The following CCDC88A variants were observed in gnomAD, a reference collection of about 807,000 sequenced individuals.
The protein encoded by CCDC88A is coiled-coil and HOOK domain protein 88A, also known as girdin.
In CCDC88A, 54 loss-of-function variants were observed where a neutral mutation model predicts 234.3. The ratio of observed to expected loss-of-function variants is 0.23; its 90% CI spans 0.19 to 0.29. CCDC88A has a LOEUF of 0.29. CCDC88A is among the 10% of genes least tolerant of loss of function. CCDC88A has a pLI of 1.00. For missense variants in CCDC88A, 1,832 were observed against 2,123.4 expected (o/e 0.86, Z 2.70); for synonymous variants, 753 against 737.8 (o/e 1.02, Z -0.33).
At chr2:55,376,676 C>T (rs6718909) in intron 3 of CCDC88A, among the ~76,000 whole-genome samples, 130,700 of 152,136 alleles carry the variant, frequency 0.86, 56,586 homozygotes, top group Admixed American at 0.93. Context: ...TTAGAATAAG[C>T]ATCGAAAATT....
chr2:55,319,456 A>G (rs1683357024), intron 18 of CCDC88A, among the ~76,000 whole-genome samples: 1 of 152,172 alleles, frequency 6.6e-6, no homozygotes, highest in Non-Finnish European at 1.5e-5. Context: ...TCCCAGAGAT[A>G]GTGCAAAACT....
rs1204025465 is a variant in CCDC88A, at chr2:55,312,921, A to C, written c.3934-342T>G. The C allele has an allele frequency of 3.4e-5, 6 of 173,926 alleles. No individual in the cohort carries two copies. In the East Asian group the frequency reaches 8.9e-4, roughly 26 times the overall value. 10.8% of individuals were successfully genotyped at this position (173,926 alleles called of 1,614,324 possible). ...AATATCTAATATTTTATTTCTATGA[A>C]ATGTTAGACAAGTAAGTTCTCAGAT... is the stretch of plus-strand genomic sequence containing the variant. On this transcript the variant is annotated intron_variant, in intron 22 of 32. Coordinates refer to ENST00000436346, the MANE Select transcript of CCDC88A (RefSeq NM_001365480.1).
At position 55,328,358 on chromosome 2, in the gene CCDC88A, G is replaced by T; in HGVS notation, c.2933C>A (p.Ala978Asp). The T allele has an allele frequency of 6.2e-7, 1 of 1,601,564 alleles. No homozygotes were observed. The highest frequency in any genetic ancestry group is 2.3e-5 in the East Asian group (1 of 44,354). The part of the protein sequence containing the change: ...SLEIKEEKIA[A>D]LEARLEESTN... Reference sequence around the variant, plus strand: ...GGATTCTTCTAATCGAGCTTCTAAAGCAGCAATTTTTTCTTCTTTTATTTC... The same window carrying T: ...GGATTCTTCTAATCGAGCTTCTAAATCAGCAATTTTTTCTTCTTTTATTTC... The change falls in exon 17 of 33, where the codon GCT becomes GAT. Residue 978 changes from alanine (A) to aspartate (D), a missense_variant. Physicochemically the swap from Ala to Asp is moderately radical, Grantham distance 126. This residue lies in a region of CCDC88A where 1,282 missense variants were observed against 1,543.6 expected (regional missense o/e 0.83). Transcript: ENST00000436346. This position sits in a 1 kb window ranked among gnomAD's most constrained non-coding sequence, Gnocchi z 4.3.
At position 55,316,700 on chromosome 2, in the gene CCDC88A, A is replaced by G. The variant is rs548934363; in HGVS notation, c.3746+506T>C. Reference sequence around the variant, plus strand: ...CAGTAAGCTATGATCATGCTACTGAACTTCAGCTTGGGCAAAAGAGTAAGA... The same window carrying G: ...CAGTAAGCTATGATCATGCTACTGAGCTTCAGCTTGGGCAAAAGAGTAAGA... On this transcript the variant is annotated intron_variant, in intron 21 of 32. Transcript: ENST00000436346. Among the ~76,000 whole-genome samples, 21 of 152,192 alleles carry G rather than the reference A, an allele frequency of 1.4e-4. No homozygotes were observed. The Middle Eastern group carries it at 0.01, about 74-fold the overall frequency.
At chr2:55,303,810 C>CT (rs1341702979) in intron 25 of CCDC88A, among the ~76,000 whole-genome samples, 2 of 152,174 alleles carry the variant, frequency 1.3e-5, no homozygotes, top group Non-Finnish European at 2.9e-5. Flanking sequence ...ATGAAGGCTA[C>CT]TGGTGGTTCA....
At position 55,289,113 on chromosome 2, in the gene CCDC88A, G is replaced by C. The variant is rs1679265773; in HGVS notation, c.*2087C>G. ...TTACACGTTGTTTTCAGCATTTTCT[G>C]CTTGAAGCACTAATGCACTTAACCC... On this transcript the variant is annotated 3_prime_UTR_variant, in exon 33 of 33. Transcript: ENST00000436346. 6.6e-6 allele frequency: 1 copy of C among 152,554 alleles called. No homozygotes were observed. Among genetic ancestry groups the C allele is most frequent in the African/African-American group, 2.4e-5 (1 of 41,416 alleles). 9.5% of individuals were successfully genotyped at this position (152,554 alleles called of 1,614,324 possible).
At chr2:55,316,208 A>G in intron 21 of CCDC88A, 94 bp from the exon 22 acceptor site, 2 of 467,814 alleles carry the variant, frequency 4.3e-6, no homozygotes, top group African/African-American at 4.0e-5. Context: ...ACATTAAGGC[A>G]TACTTAGAAT....
Position 55,401,734 on chromosome 2 carries a change from T to A in CCDC88A, c.165-12848A>T, listed in dbSNP as rs116415702. The stretch of plus-strand genomic sequence containing the variant: ...ATGACATATAATTACCATACAGAGA[T>A]TACAGACACAGCCTTTCATGTTTTT... On this transcript the variant is annotated intron_variant, in intron 2 of 32. Transcript: ENST00000436346. Among the ~76,000 whole-genome samples the A allele has an allele frequency of 2.8e-3, 422 of 151,690 alleles. 2 individuals are homozygous for A. The highest frequency in any genetic ancestry group is 8.5e-3 in the African/African-American group (351 of 41,400).
chr2:55,408,075 T>C (rs1021578907), intron 2 of CCDC88A, among the ~76,000 whole-genome samples: 4 of 152,022 alleles, frequency 2.6e-5, no homozygotes, highest in Non-Finnish European at 4.4e-5. Context: ...CAAGAGATCA[T>C]AGTTTCATTA....
intron 8 of CCDC88A, among the ~76,000 whole-genome samples, chr2:55,351,857 G>T (rs76743047): frequency 6.6e-6 from 1 of 152,008 alleles, no homozygotes; most frequent in African/African-American, 2.4e-5. Flanking sequence ...ATCAAAATGC[G>T]GTATATCCAT....
rs1276389455 is a variant in CCDC88A at position 55,317,863 on chromosome 2, T to C, written c.3325-22A>G. 2.7e-6 allele frequency: 4 copies of C among 1,494,348 alleles called. No homozygotes were observed. Among genetic ancestry groups the C allele is most frequent in the African/African-American group, 1.4e-5 (1 of 71,604 alleles). The allele number at this position is 1,494,348 out of a possible 1,614,324, so 92.6% of individuals were successfully genotyped here. A position where few individuals can be genotyped will look rare whatever the true frequency, so the allele number is the denominator to read the frequency against. On this transcript the variant is annotated intron_variant, in intron 19 of 32. Coordinates refer to ENST00000436346, the MANE Select transcript of CCDC88A (RefSeq NM_001365480.1). This position sits in a 1 kb window ranked among gnomAD's most constrained non-coding sequence, Gnocchi z 4.2. Reference sequence around the variant, plus strand: ...CAACCTATAAGAATATATATTGTTATCAGACATAAGAAAAACAGTTCATGT... The same window carrying C: ...CAACCTATAAGAATATATATTGTTACCAGACATAAGAAAAACAGTTCATGT...
chr2:55,299,978 C>G, intron 28 of CCDC88A, 59 bp from the exon 29 acceptor site: 3 of 1,083,816 alleles, frequency 2.8e-6, no homozygotes, highest in Non-Finnish European at 4.3e-6. Context: ...TGCTGATGAG[C>G]TTTTACATTC....
At chr2:55,390,500 T>C (rs1487867068) in intron 2 of CCDC88A, among the ~76,000 whole-genome samples, 1 of 152,134 alleles carries the variant, frequency 6.6e-6, no homozygotes, top group Non-Finnish European at 1.5e-5. Context: ...GTTGAGAAAA[T>C]AATGCAACCA....
chr2:55,358,118 G>A (rs1432365151), intron 7 of CCDC88A, among the ~76,000 whole-genome samples: 1 of 152,074 alleles, frequency 6.6e-6, no homozygotes, highest in Non-Finnish European at 1.5e-5. Flanking sequence ...TCCTTACTGT[G>A]CTGTTACTGA....
chr2:55,358,290 GTCACCC>G (rs1670850441), intron 7 of CCDC88A, among the ~76,000 whole-genome samples: 2 of 152,146 alleles, frequency 1.3e-5, no homozygotes, highest in African/African-American at 4.8e-5. Context: ...CTTAACCAAA[GTCACCC>G]AACCAATGAT....
intron 7 of CCDC88A, among the ~76,000 whole-genome samples, chr2:55,359,216 C>A (rs1407170707): frequency 6.6e-6 from 1 of 151,878 alleles, no homozygotes; most frequent in African/African-American, 2.4e-5. Flanking sequence ...AAAATGGGTG[C>A]TCAAAAATAT....
chr2:55,336,930 T>A, intron 13 of CCDC88A, 112 bp from the exon 14 acceptor site: 1 of 617,280 alleles, frequency 1.6e-6, no homozygotes, highest in Non-Finnish European at 2.6e-6. Context: ...AATATCCAAA[T>A]GCTAAAATTT....
intron 9 of CCDC88A, among the ~76,000 whole-genome samples, chr2:55,348,208 A>G (rs1417426792): frequency 6.6e-6 from 1 of 151,478 alleles, no homozygotes; most frequent in Non-Finnish European, 1.5e-5. Context: ...CAAGCAACCC[A>G]CCTGCCTTGG....
intron 25 of CCDC88A, chr2:55,308,558 T>G: frequency 2.4e-6 from 1 of 412,072 alleles, no homozygotes; most frequent in South Asian, 3.5e-5. Context: ...GGCAGAGGTA[T>G]TCCAGCTCTT....
Sources: allele counts gnomAD v4.1 joint callset (sites outside exome capture counted in the v4.1 genomes callset), GRCh38; gene constraint gnomAD v4.1.1; regional missense constraint gnomAD v4.1.1; non-coding constraint Gnocchi (gnomAD v3.1); transcripts MANE v1.5; gene names NCBI Gene and HGNC (gene_info 2026-07-23, HGNC 2026-07-21).